The following ITSN1 variants were observed in gnomAD, a reference collection of about 807,000 sequenced individuals.
The protein encoded by ITSN1 is intersectin 1, also known as intersectin-1.
In ITSN1, 58 loss-of-function variants were observed where a neutral mutation model predicts 239.8. The ratio of observed to expected loss-of-function variants is 0.24; its 90% CI spans 0.20 to 0.30. ITSN1 has a LOEUF of 0.30. Among genes scored for constraint, ITSN1 ranks in the 10% least tolerant of loss-of-function variants. The pLI is 1.00. For missense variants in ITSN1, 1,558 were observed against 2,103.3 expected (o/e 0.74, Z 5.07); for synonymous variants, 780 against 770.8 (o/e 1.01, Z -0.20).
At chr21:33,768,939 G>A (rs2068918514) in intron 11 of ITSN1, among the ~76,000 whole-genome samples, 1 of 152,184 alleles carries the variant, frequency 6.6e-6, no homozygotes, top group Non-Finnish European at 1.5e-5. Context: ...ATATATTAGA[G>A]GATTTAAGAC....
chr21:33,760,690 G>A (rs965113997), intron 8 of ITSN1, among the ~76,000 whole-genome samples: 5 of 152,152 alleles, frequency 3.3e-5, no homozygotes, highest in Non-Finnish European at 7.3e-5. Context: ...TCTACTGCTG[G>A]CCATGCAAAA....
intron 1 of ITSN1, among the ~76,000 whole-genome samples, chr21:33,668,379 G>A (rs1038463068): frequency 6.6e-6 from 1 of 152,230 alleles, no homozygotes; most frequent in African/African-American, 2.4e-5. Context: ...GTTAGGATGG[G>A]CTCTCTGCCA....
chr21:33,652,174 A>G (rs766333270), intron 1 of ITSN1, among the ~76,000 whole-genome samples: 4 of 152,268 alleles, frequency 2.6e-5, no homozygotes, highest in Non-Finnish European at 4.4e-5. Flanking sequence ...AAGGCCTGTT[A>G]GGGACCACGA....
Position 33,893,892 on chromosome 21 carries a change from C to T in ITSN1, c.*5592C>T, listed in dbSNP as rs1986531536. 6.6e-6 allele frequency: 1 copy of T among 152,166 alleles called. No homozygotes were observed. The highest frequency in any genetic ancestry group is 1.5e-5 in the Non-Finnish European group (1 of 68,040). 9.4% of individuals were successfully genotyped at this position (152,166 alleles called of 1,614,324 possible). A position where few individuals can be genotyped will look rare whatever the true frequency, so the allele number is the denominator to read the frequency against. On this transcript the variant is annotated 3_prime_UTR_variant, in exon 40 of 40. Coordinates refer to ENST00000381318, the MANE Select transcript of ITSN1 (RefSeq NM_003024.3). ...TTCCTGATAGGCATGGAAACTTAGT[C>T]CACATGAAAGACAGAAGACATCTAA...
At chr21:33,878,415 T>TC (rs1984363190) in intron 34 of ITSN1, among the ~76,000 whole-genome samples, 1 of 152,182 alleles carries the variant, frequency 6.6e-6, no homozygotes, top group African/African-American at 2.4e-5. Context: ...GCCCATTTTT[T>TC]CTCTCTGTTT....
intron 24 of ITSN1, among the ~76,000 whole-genome samples, chr21:33,823,013 T>G (rs1041588421): frequency 2.6e-5 from 4 of 152,264 alleles, no homozygotes; most frequent in Non-Finnish European, 4.4e-5. Flanking sequence ...CTAACAATTT[T>G]TTAAAAACCT....
chr21:33,666,971 C>A (rs1035653917), intron 1 of ITSN1, among the ~76,000 whole-genome samples: 1 of 152,044 alleles, frequency 6.6e-6, no homozygotes, highest in East Asian at 1.9e-4. Flanking sequence ...TACATGCCAC[C>A]ATGCCCGCTA....
At chr21:33,693,298 T>C (rs1402017744) in intron 1 of ITSN1, among the ~76,000 whole-genome samples, 1 of 152,086 alleles carries the variant, frequency 6.6e-6, no homozygotes, top group Non-Finnish European at 1.5e-5. Context: ...TATTTTTATA[T>C]AGTGCTTTGC....
chr21:33,711,653 TG>T (rs1188635949), intron 1 of ITSN1, among the ~76,000 whole-genome samples: 2 of 10,798 alleles, frequency 1.9e-4, no homozygotes, highest in East Asian at 0.025. Context: ...TTCTGTGTGT[TG>T]TGTGTGTGTG....
chr21:33,654,462 A>T (rs2088855766), intron 1 of ITSN1, among the ~76,000 whole-genome samples: 1 of 152,160 alleles, frequency 6.6e-6, no homozygotes, highest in Non-Finnish European at 1.5e-5. Context: ...TTTGATTATG[A>T]GACAAGGTAC....
chr21:33,885,045 G>A lies in ITSN1; in HGVS notation c.4681G>A (p.Ala1561Thr), dbSNP rs780567832. The part of the protein sequence containing the change: ...LRAESINERT[A>T]WVQKIKAASE... Reference sequence around the variant, plus strand: ...TTCTGTCTTTTTCTGTCCAAGGACTGCCTGGGTGCAGAAAATCAAAGCTGC... The same window carrying A: ...TTCTGTCTTTTTCTGTCCAAGGACTACCTGGGTGCAGAAAATCAAAGCTGC... Residue 1561 changes from alanine (A) to threonine (T), a missense_variant, in exon 37 of 40, where the codon GCC becomes ACC. Ala to Thr is a moderately conservative substitution (Grantham distance 58). Transcript: ENST00000381318. The A allele has an allele frequency of 1.2e-6, 2 of 1,613,946 alleles. No homozygotes were observed. The highest frequency in any genetic ancestry group is 1.7e-6 in the Non-Finnish European group (2 of 1,179,828).
intron 24 of ITSN1, among the ~76,000 whole-genome samples, chr21:33,819,975 C>T (rs1362190558): frequency 1.3e-5 from 2 of 151,956 alleles, no homozygotes; most frequent in Non-Finnish European, 2.9e-5. Context: ...GGCGACAGAG[C>T]GAGACTCCGT....
intron 27 of ITSN1, among the ~76,000 whole-genome samples, chr21:33,831,724 A>G (rs2074305655): frequency 6.6e-6 from 1 of 152,168 alleles, no homozygotes; most frequent in Non-Finnish European, 1.5e-5. Context: ...AGCTGAATAT[A>G]TAAGAAACGC....
intron 8 of ITSN1, chr21:33,756,710 G>C (rs921652270): frequency 6.6e-6 from 1 of 152,040 alleles, no homozygotes; most frequent in Non-Finnish European, 1.5e-5. Flanking sequence ...ACAGATTCTC[G>C]ATGTGTCATA....
intron 1 of ITSN1, among the ~76,000 whole-genome samples, chr21:33,706,182 C>T (rs1241489814): frequency 2.0e-5 from 3 of 151,938 alleles, no homozygotes; most frequent in Non-Finnish European, 4.4e-5. Flanking sequence ...ACCATGCTGG[C>T]TAATTTTTCT....
chr21:33,663,097 C>T (rs1346350200), intron 1 of ITSN1, among the ~76,000 whole-genome samples: 1 of 152,178 alleles, frequency 6.6e-6, no homozygotes, highest in Non-Finnish European at 1.5e-5. Context: ...CTAGAAGGAG[C>T]AGGAATTATT....
At chr21:33,665,935 T>C (rs552360012) in intron 1 of ITSN1, among the ~76,000 whole-genome samples, 14 of 151,746 alleles carry the variant, frequency 9.2e-5, no homozygotes, top group Admixed American at 2.6e-4. Context: ...TGGTTCCTTT[T>C]TTTTTTTTTT....
intron 29 of ITSN1, among the ~76,000 whole-genome samples, chr21:33,844,150 C>T (rs1349243677): frequency 1.3e-5 from 2 of 152,186 alleles, no homozygotes; most frequent in Non-Finnish European, 2.9e-5. Context: ...GGCCCCCTTC[C>T]TGATAGCAGG....
At chr21:33,809,455 C>T (rs2072728168) in intron 20 of ITSN1, among the ~76,000 whole-genome samples, 1 of 152,196 alleles carries the variant, frequency 6.6e-6, no homozygotes, top group Non-Finnish European at 1.5e-5. Context: ...CTACCCCAAA[C>T]ATTTGTTAAT....
Sources: gnomAD v4.1 joint callset for allele counts (sites outside exome capture counted in the v4.1 genomes callset) on GRCh38, gnomAD v4.1.1 for gene constraint, MANE v1.5 for transcripts, NCBI Gene and HGNC (gene_info 2026-07-23, HGNC 2026-07-21) for gene names.